PLCB4: variants seen among roughly 807,000 people sequenced by gnomAD.
The protein encoded by PLCB4 is 1-phosphatidylinositol 4,5-bisphosphate phosphodiesterase beta-4.
Under a neutral mutation model 178.8 loss-of-function variants are expected in PLCB4, and 77 were observed. The ratio of observed to expected loss-of-function variants is 0.43; its 90% CI spans 0.36 to 0.52. PLCB4 has a LOEUF of 0.52. Among genes scored for constraint, PLCB4 ranks in the 20% least tolerant of loss-of-function variants. PLCB4 has a pLI of 0.00. For synonymous variants in PLCB4, 496 were observed against 490.8 expected (o/e 1.01, Z -0.14); for missense variants, 1,024 against 1,453.4 (o/e 0.70, Z 4.80).
At chr20:9,140,934 A>G (rs971650165) in intron 2 of PLCB4, among the ~76,000 whole-genome samples, 2 of 152,090 alleles carry the variant, frequency 1.3e-5, no homozygotes, top group Non-Finnish European at 2.9e-5. Flanking sequence ...ATCTTGATGA[A>G]AGAAGTTAAG....
At chr20:9,386,112 G>A (rs1054780412) in intron 14 of PLCB4, among the ~76,000 whole-genome samples, 2 of 152,186 alleles carry the variant, frequency 1.3e-5, no homozygotes, top group Admixed American at 6.5e-5. Flanking sequence ...AACCAGTCAG[G>A]CGTGGTGGCG....
At chr20:9,194,034 CTT>C (rs2093437787) in intron 2 of PLCB4, among the ~76,000 whole-genome samples, 1 of 151,850 alleles carries the variant, frequency 6.6e-6, no homozygotes, top group Non-Finnish European at 1.5e-5. Context: ...AGCTATCACT[CTT>C]TTTATACACA....
At chr20:9,328,892 C>T (rs890557295) in intron 4 of PLCB4, among the ~76,000 whole-genome samples, 23 of 152,112 alleles carry the variant, frequency 1.5e-4, no homozygotes, top group African/African-American at 5.6e-4. Flanking sequence ...GAAAGGGCTC[C>T]TGGAGAAAAT....
intron 28 of PLCB4, among the ~76,000 whole-genome samples, chr20:9,428,251 A>T (rs2041162425): frequency 6.6e-6 from 1 of 152,184 alleles, no homozygotes; most frequent in African/African-American, 2.4e-5. Context: ...ATATTTTATT[A>T]AATATTTGTT....
At chr20:9,109,172 G>C (rs557492234) in intron 2 of PLCB4, among the ~76,000 whole-genome samples, 1 of 151,976 alleles carries the variant, frequency 6.6e-6, no homozygotes, top group Non-Finnish European at 1.5e-5. Context: ...TGTATCCCTG[G>C]GTCTAAAGTA....
rs563133436 is a variant in PLCB4 at position 9,340,673 on chromosome 20, C to A, written c.369+1636C>A. Reference sequence around the variant, plus strand: ...GAAACAGGATGATGCAGTATGAGCTCAAGTATTGGGGCTTTGGGGCCACAT... The same window carrying A: ...GAAACAGGATGATGCAGTATGAGCTAAAGTATTGGGGCTTTGGGGCCACAT... On this transcript the variant is annotated intron_variant, in intron 7 of 39. Transcript: ENST00000378473. Among the ~76,000 whole-genome samples, 3 of 152,208 alleles carry A rather than the reference C, an allele frequency of 2.0e-5. No individual in the cohort carries two copies. The South Asian group carries it at 6.2e-4, about 32-fold the overall frequency.
intron 2 of PLCB4, among the ~76,000 whole-genome samples, chr20:9,116,896 C>T (rs1180320321): frequency 6.6e-6 from 1 of 152,138 alleles, no homozygotes; most frequent in Non-Finnish European, 1.5e-5. Context: ...TCTATAACAT[C>T]CTGCATGTTT....
chr20:9,363,711 G>A (rs906582375), intron 8 of PLCB4, among the ~76,000 whole-genome samples: 8 of 152,194 alleles, frequency 5.3e-5, no homozygotes, highest in East Asian at 1.9e-4. Context: ...GCAGTGATCC[G>A]TGAAGGTGGG....
chr20:9,413,608 A>G (rs897303309), intron 25 of PLCB4, among the ~76,000 whole-genome samples: 3 of 151,338 alleles, frequency 2.0e-5, no homozygotes, highest in South Asian at 4.2e-4. Flanking sequence ...ACAGTGAGCC[A>G]AGATCGTGCC....
intron 3 of PLCB4, among the ~76,000 whole-genome samples, chr20:9,262,860 G>GT (rs1166380708): frequency 1.3e-5 from 2 of 152,188 alleles, no homozygotes; most frequent in Non-Finnish European, 2.9e-5. Flanking sequence ...AAAGGGGAAC[G>GT]TATTGAAAGA....
At chr20:9,355,257 C>A (rs898467939) in intron 7 of PLCB4, among the ~76,000 whole-genome samples, 3 of 151,856 alleles carry the variant, frequency 2.0e-5, no homozygotes, top group African/African-American at 7.3e-5. Context: ...ATTTCATTTG[C>A]CATGCTTTTT....
intron 2 of PLCB4, among the ~76,000 whole-genome samples, chr20:9,144,752 AAGGAGGGGAAGGAGGGGAATGAGGGGG>A: frequency 2.5e-5 from 2 of 81,578 alleles, no homozygotes; most frequent in African/African-American, 1.1e-4. Flanking sequence ...GAAGGAGGGG[AAGGAGGGGAAGGAGGGGAATGAGGGGG>A]AGGAGGGGTA....
At chr20:9,161,942 A>T (rs530158491) in intron 2 of PLCB4, among the ~76,000 whole-genome samples, 26 of 152,346 alleles carry the variant, frequency 1.7e-4, no homozygotes, top group African/African-American at 6.0e-4. Flanking sequence ...TAATGCCGAT[A>T]ATCACTGATA....
In PLCB4 at chr20:9,324,482, T is replaced by G. The variant is rs150685489; in HGVS notation, c.85-12644T>G. Reference sequence around the variant, plus strand: ...CCTAAAAAAGCCCTGGTAAATACTTTCCTTGGGGAATGTGGGGGAAATAAT... The same window carrying G: ...CCTAAAAAAGCCCTGGTAAATACTTGCCTTGGGGAATGTGGGGGAAATAAT... On this transcript the variant is annotated intron_variant, in intron 4 of 39. Transcript: ENST00000378473. Among the ~76,000 whole-genome samples the G allele has an allele frequency of 4.6e-5, 7 of 152,286 alleles. No individual in the cohort carries two copies. The East Asian group carries it at 5.8e-4, about 13-fold the overall frequency.
intron 28 of PLCB4, among the ~76,000 whole-genome samples, chr20:9,427,237 C>T (rs1452181352): frequency 6.6e-6 from 1 of 151,874 alleles, no homozygotes. Flanking sequence ...AAAACAACAA[C>T]AACAACAAAA....
At chr20:9,225,996 G>A (rs377419077) in intron 3 of PLCB4, among the ~76,000 whole-genome samples, 9 of 152,308 alleles carry the variant, frequency 5.9e-5, no homozygotes, top group African/African-American at 1.2e-4. Flanking sequence ...GGAACCGGCC[G>A]GTGACCTTGG....
chr20:9,268,836 C>A (rs1438056395), intron 3 of PLCB4, among the ~76,000 whole-genome samples: 1 of 152,148 alleles, frequency 6.6e-6, no homozygotes, highest in East Asian at 1.9e-4. Flanking sequence ...ATGTCTTAAT[C>A]ATTTCTTTTA....
intron 2 of PLCB4, among the ~76,000 whole-genome samples, chr20:9,132,284 TTG>T (rs34334709): frequency 0.023 from 3,439 of 148,778 alleles, 103 homozygotes; most frequent in African/African-American, 0.078. Context: ...GGCATAATGT[TTG>T]TGTGTGTGTG....
chr20:9,468,377 C>T lies in PLCB4; in HGVS notation c.3249-194C>T, dbSNP rs184921299. Among the ~76,000 whole-genome samples, 205 of 152,064 alleles carry T rather than the reference C, an allele frequency of 1.3e-3. 1 individual carries two copies. Among genetic ancestry groups the T allele is most frequent in the Admixed American group, 0.013 (205 of 15,248 alleles). ...GTTTTTTTCCATGCTTAAATTATGT[C>T]TATATATATAAAATGTAAACTTTAC... On this transcript the variant is annotated intron_variant, in intron 35 of 39. Transcript: ENST00000378473.
Sources: gnomAD v4.1 joint callset for allele counts (sites outside exome capture counted in the v4.1 genomes callset) on GRCh38, gnomAD v4.1.1 for gene constraint, MANE v1.5 for transcripts, NCBI Gene and HGNC (gene_info 2026-07-23, HGNC 2026-07-21) for gene names.